The following MAML2 variants were observed in gnomAD, a reference collection of about 807,000 sequenced individuals.
MAML2 encodes the protein mastermind-like protein 2.
A neutral mutation model predicts 96.1 loss-of-function variants in MAML2; 22 were observed. That is an observed-to-expected ratio of 0.23 (90% CI 0.16 to 0.33). The LOEUF (loss-of-function observed/expected upper bound fraction) is 0.33. Ranked by LOEUF, MAML2 falls within the 10% of genes least tolerant of loss-of-function variation. The probability of loss-of-function intolerance (pLI) is 1.00; values close to 1 mark genes in which losing one functional copy is unlikely to be tolerated. For missense variants in MAML2, 1,367 were observed against 1,392.4 expected (o/e 0.98, Z 0.29); for synonymous variants, 561 against 521.3 (o/e 1.08, Z -1.04).
chr11:96,199,928 A>G (rs1348236356), intron 1 of MAML2, among the ~76,000 whole-genome samples: 4 of 152,246 alleles, frequency 2.6e-5, no homozygotes. Flanking sequence ...AATGCAGATC[A>G]ATCATTTCAT....
intron 1 of MAML2, among the ~76,000 whole-genome samples, chr11:96,150,763 C>A (rs1234609525): frequency 6.6e-6 from 1 of 152,150 alleles, no homozygotes; most frequent in Non-Finnish European, 1.5e-5. Context: ...CTAGTTCAGA[C>A]CTGCTTTACC....
At chr11:96,206,248 A>C (rs1298122182) in intron 1 of MAML2, among the ~76,000 whole-genome samples, 2 of 152,234 alleles carry the variant, frequency 1.3e-5, no homozygotes, top group Non-Finnish European at 2.9e-5. Flanking sequence ...AGTATCAGTA[A>C]TACAAGAGAA....
chr11:96,240,856 C>T (rs907559971), intron 1 of MAML2, among the ~76,000 whole-genome samples: 7 of 152,100 alleles, frequency 4.6e-5, no homozygotes, highest in Admixed American at 2.6e-4. Flanking sequence ...ATACTATATA[C>T]ACACAAACTT....
intron 1 of MAML2, among the ~76,000 whole-genome samples, chr11:96,151,562 G>T (rs1860922839): frequency 1.3e-5 from 2 of 152,326 alleles, no homozygotes; most frequent in South Asian, 4.1e-4. Flanking sequence ...TCGTGGGGAT[G>T]CTCCTTCATG....
At chr11:96,178,575 A>T (rs1421570823) in intron 1 of MAML2, among the ~76,000 whole-genome samples, 1 of 152,048 alleles carries the variant, frequency 6.6e-6, no homozygotes, top group African/African-American at 2.4e-5. Context: ...TCTGAGGGGG[A>T]AAAGGGAGCT....
At chr11:96,302,941 G>A (rs1185031129) in intron 1 of MAML2, among the ~76,000 whole-genome samples, 9 of 152,112 alleles carry the variant, frequency 5.9e-5, no homozygotes, top group African/African-American at 1.9e-4. Flanking sequence ...ACCCTACAGC[G>A]ATTATGATTA....
At chr11:96,100,857 C>T (rs1024197102) in intron 1 of MAML2, among the ~76,000 whole-genome samples, 2 of 151,110 alleles carry the variant, frequency 1.3e-5, no homozygotes, top group African/African-American at 4.9e-5. Context: ...GTGATCCTTT[C>T]CCCTCAGCCA....
intron 1 of MAML2, among the ~76,000 whole-genome samples, chr11:96,246,326 A>G (rs779839574): frequency 3.9e-5 from 6 of 152,136 alleles, no homozygotes; most frequent in Non-Finnish European, 8.8e-5. Context: ...GGAGGTGTTT[A>G]TAAGTAGAAA....
At chr11:96,175,886 G>T (rs901888328) in intron 1 of MAML2, among the ~76,000 whole-genome samples, 1 of 152,142 alleles carries the variant, frequency 6.6e-6, no homozygotes, top group Non-Finnish European at 1.5e-5. Context: ...ACAGGCATGA[G>T]CCACAGCGCC....
rs111927072 is a variant in MAML2 at position 95,978,358 on chromosome 11, G to A, written c.*590C>T. 5.4e-3 allele frequency: 1,072 copies of A among 197,488 alleles called. 14 individuals carry two copies. Among genetic ancestry groups the A allele is most frequent in the African/African-American group, 0.022 (965 of 43,496 alleles). 12.2% of individuals were successfully genotyped at this position (197,488 alleles called of 1,614,324 possible). On this transcript the variant is annotated 3_prime_UTR_variant, in exon 5 of 5. Coordinates refer to ENST00000524717, the MANE Select transcript of MAML2 (RefSeq NM_032427.4). ...TGGGAAAATTGTAAAAGTGAGGAGTGAATATGGGGAAGAAATTCTGTAATC... is the reference window on the plus strand; with the variant it reads ...TGGGAAAATTGTAAAAGTGAGGAGTAAATATGGGGAAGAAATTCTGTAATC...
At chr11:96,086,908 A>AT (rs1399032713) in intron 2 of MAML2, among the ~76,000 whole-genome samples, 4 of 152,130 alleles carry the variant, frequency 2.6e-5, no homozygotes, top group Non-Finnish European at 4.4e-5. Flanking sequence ...CGAGGTGGTG[A>AT]TTTTGCCTGG....
chr11:96,050,145 G>T (rs1858968565), intron 2 of MAML2, among the ~76,000 whole-genome samples: 1 of 152,122 alleles, frequency 6.6e-6, no homozygotes. Context: ...TGTGGCTCCT[G>T]GACCTATTTA....
At chr11:96,203,598 G>C (rs1316701968) in intron 1 of MAML2, among the ~76,000 whole-genome samples, 2 of 152,164 alleles carry the variant, frequency 1.3e-5, no homozygotes, top group African/African-American at 2.4e-5. Context: ...CCTTTCTCTT[G>C]AGGCACTTAT....
At chr11:96,338,623 A>C (rs985205520) in intron 1 of MAML2, among the ~76,000 whole-genome samples, 2 of 152,222 alleles carry the variant, frequency 1.3e-5, no homozygotes, top group African/African-American at 4.8e-5. Context: ...GAAGGTATGC[A>C]GGATACAAAG....
At chr11:96,112,747 C>A (rs1052409793) in intron 1 of MAML2, among the ~76,000 whole-genome samples, 1 of 152,178 alleles carries the variant, frequency 6.6e-6, no homozygotes, top group African/African-American at 2.4e-5. Flanking sequence ...TTCCATAAGC[C>A]TATTAATTTG....
chr11:96,101,147 C>T (rs574120977), intron 1 of MAML2, among the ~76,000 whole-genome samples: 29 of 152,098 alleles, frequency 1.9e-4, no homozygotes, highest in Non-Finnish European at 3.2e-4. Context: ...AACATACTGC[C>T]CTTCTGAAGG....
chr11:96,189,293 A>G (rs1002733452), intron 1 of MAML2, among the ~76,000 whole-genome samples: 5 of 152,336 alleles, frequency 3.3e-5, no homozygotes, highest in African/African-American at 1.2e-4. Context: ...ACAAGTAGCC[A>G]TTTTGTATGG....
At chr11:96,228,636 G>A (rs1029991731) in intron 1 of MAML2, among the ~76,000 whole-genome samples, 8 of 152,182 alleles carry the variant, frequency 5.3e-5, no homozygotes, top group Non-Finnish European at 1.0e-4. Flanking sequence ...TGAAGCTGAG[G>A]AAGTCCTCAT....
At chr11:96,323,261 A>G (rs1863731758) in intron 1 of MAML2, among the ~76,000 whole-genome samples, 1 of 152,220 alleles carries the variant, frequency 6.6e-6, no homozygotes, top group Non-Finnish European at 1.5e-5. Flanking sequence ...GTGATTCCCC[A>G]AAGAAGGTTC....
Sources: allele counts gnomAD v4.1 joint callset (sites outside exome capture counted in the v4.1 genomes callset), GRCh38; gene constraint gnomAD v4.1.1; transcripts MANE v1.5; gene names NCBI Gene and HGNC (gene_info 2026-07-23, HGNC 2026-07-21).